The following RFT1 variants were observed in gnomAD, a reference collection of about 807,000 sequenced individuals.
The protein encoded by RFT1 is RFT1 glycolipid translocator homolog.
Under a neutral mutation model 62.2 loss-of-function variants are expected in RFT1, and 43 were observed. The observed-to-expected ratio is 0.69, with a 90% confidence interval of 0.54 to 0.89. The LOEUF is 0.89. RFT1 is among the 40% of genes least tolerant of loss of function. The probability of loss-of-function intolerance (pLI) is 0.00; values close to 1 mark genes in which losing one functional copy is unlikely to be tolerated. For synonymous variants in RFT1, 262 were observed against 264.6 expected (o/e 0.99, Z 0.10); for missense variants, 605 against 649.9 (o/e 0.93, Z 0.75).
intron 1 of RFT1, among the ~76,000 whole-genome samples, chr3:53,127,238 G>A (rs996138961): frequency 2.0e-5 from 3 of 152,024 alleles, no homozygotes; most frequent in African/African-American, 7.2e-5. Flanking sequence ...CTAACATGGT[G>A]AAATGCCGTC....
chr3:53,122,174 G>GA (rs1701987371), intron 4 of RFT1, among the ~76,000 whole-genome samples, 200 bp downstream of exon 4: 1 of 152,106 alleles, frequency 6.6e-6, no homozygotes, highest in African/African-American at 2.4e-5. Context: ...TATTTATGGT[G>GA]AAACAGAGGT....
chr3:53,122,542 C>A lies in RFT1; in HGVS notation c.288G>T (p.Trp96Cys), dbSNP rs1701999838. ...LWLTVPLGVF[W>C]SLFLGWIWLQ... Reference sequence around the variant, plus strand: ...ACCAGATCCAGCCCAGGAATAAGGACCAAAACACACCCAGGGGGACTCTAG... The same window carrying A: ...ACCAGATCCAGCCCAGGAATAAGGAACAAAACACACCCAGGGGGACTCTAG... The change falls in exon 4 of 13, where the codon TGG becomes TGT. Residue 96 changes from tryptophan (W) to cysteine (C), a missense_variant. Coordinates refer to ENST00000296292, the MANE Select transcript of RFT1 (RefSeq NM_052859.4). 10 of 1,611,460 alleles carry A rather than the reference C, an allele frequency of 6.2e-6. No individual in the cohort carries two copies. Among genetic ancestry groups the A allele is most frequent in the African/African-American group, 1.3e-5 (1 of 74,682 alleles).
chr3:53,094,977 C>A (rs1701101202), intron 11 of RFT1, among the ~76,000 whole-genome samples: 1 of 152,108 alleles, frequency 6.6e-6, no homozygotes, highest in Non-Finnish European at 1.5e-5. Context: ...ATTAAAATAT[C>A]ACTTTTTTGG....
the RFT1 span, among the ~76,000 whole-genome samples, chr3:53,083,357 A>T: frequency 1.8e-4 from 7 of 39,820 alleles, no homozygotes; most frequent in Non-Finnish European, 3.3e-4. Flanking sequence ...ACTAAAAATT[A>T]AAAAAAAAAA....
At chr3:53,077,662 G>A in the RFT1 span, 2 of 152,266 alleles carry the variant, frequency 1.3e-5, no homozygotes, top group African/African-American at 4.8e-5. Context: ...GACACCCAGA[G>A]GAATTGCTTC....
At chr3:53,087,695 T>C (rs1575475396), downstream of RFT1, among the ~76,000 whole-genome samples, 1 of 152,100 alleles carries the variant, frequency 6.6e-6, no homozygotes, top group African/African-American at 2.4e-5. Flanking sequence ...AGTTTTTAAA[T>C]TTTTTTGTAG....
chr3:53,081,088 G>C, the RFT1 span, among the ~76,000 whole-genome samples: 1 of 152,234 alleles, frequency 6.6e-6, no homozygotes, highest in East Asian at 1.9e-4. Flanking sequence ...TGGGGCATGG[G>C]GAGAGGTGTG....
rs551900330 is a variant in RFT1, at chr3:53,118,564, T to C, written c.696+1320A>G. 5.9e-5 allele frequency among the ~76,000 whole-genome samples: 9 copies of C among 152,254 alleles called. 1 individual carries two copies. Among genetic ancestry groups the C allele is most frequent in the Admixed American group, 2.0e-4 (3 of 15,296 alleles). On this transcript the variant is annotated intron_variant, in intron 6 of 12. Coordinates refer to ENST00000296292, the MANE Select transcript of RFT1 (RefSeq NM_052859.4). ...TTCTGAGACTTAAGTCTCACATATTTTACTACTTTTTCAAGTATCACAAGA... is the reference window on the plus strand; with the variant it reads ...TTCTGAGACTTAAGTCTCACATATTCTACTACTTTTTCAAGTATCACAAGA...
intron 6 of RFT1, among the ~76,000 whole-genome samples, chr3:53,113,707 TC>T (rs1701715435): frequency 6.6e-6 from 1 of 152,240 alleles, no homozygotes; most frequent in South Asian, 2.1e-4. Context: ...ATATTTTTTT[TC>T]ATATTAAGAC....
At chr3:53,118,511 G>A (rs1424328147) in intron 6 of RFT1, among the ~76,000 whole-genome samples, 1 of 152,130 alleles carries the variant, frequency 6.6e-6, no homozygotes, top group Non-Finnish European at 1.5e-5. Flanking sequence ...AGTTTTTCTC[G>A]AAAAGTTGTA....
intron 3 of RFT1, 52 bp from the exon 4 acceptor site, chr3:53,122,615 T>C (rs771883585): frequency 5.9e-6 from 7 of 1,179,596 alleles, no homozygotes; most frequent in South Asian, 1.9e-5. Flanking sequence ...AATATAAATA[T>C]ATATTAAAAT....
At chr3:53,095,636 G>A (rs1455992727) in intron 11 of RFT1, among the ~76,000 whole-genome samples, 2 of 151,940 alleles carry the variant, frequency 1.3e-5, no homozygotes, top group African/African-American at 4.8e-5. Context: ...AGGATCGATT[G>A]AGCCTAAGAA....
chr3:53,105,716 G>A lies in RFT1; in HGVS notation c.914C>T (p.Ala305Val). 6.2e-7 allele frequency: 1 copy of A among 1,613,626 alleles called. No homozygotes were observed. Among genetic ancestry groups the A allele is most frequent in the Non-Finnish European group, 8.5e-7 (1 of 1,179,802 alleles). ...ATCCTTTCCCCTCTCCAGCACCTTA[G>A]CAAAAAATATATAAAAACTTTCCTC... ...PIEESFYIFF[A>V]KVLERGKDAT... The change falls in exon 9 of 13, where the codon GCT becomes GTT. Residue 305 changes from alanine (A) to valine (V), a missense_variant. Transcript: ENST00000296292.
At chr3:53,115,557 C>T (rs1385117550) in intron 6 of RFT1, among the ~76,000 whole-genome samples, 1 of 152,182 alleles carries the variant, frequency 6.6e-6, no homozygotes, top group African/African-American at 2.4e-5. Flanking sequence ...TTTCCTTTCT[C>T]TCCCTTCCCC....
intron 7 of RFT1, among the ~76,000 whole-genome samples, chr3:53,107,491 G>A (rs2581775): frequency 1 from 151,806 of 152,030 alleles, 75,792 homozygotes; most frequent in Middle Eastern, 1. Flanking sequence ...TAATAATGAA[G>A]ATGATAGTCC....
intron 10 of RFT1, 94 bp from the exon 11 acceptor site, chr3:53,099,580 A>C: frequency 1.1e-6 from 1 of 921,226 alleles, no homozygotes; most frequent in South Asian, 1.4e-5. Context: ...CCAGAACCAG[A>C]CTATGAGGTC....
intron 6 of RFT1, among the ~76,000 whole-genome samples, chr3:53,118,948 G>A (rs1231586889): frequency 6.6e-6 from 1 of 152,140 alleles, no homozygotes; most frequent in Non-Finnish European, 1.5e-5. Context: ...CGGGCGTGGT[G>A]GCTCATAATC....
At chr3:53,087,452 CT>C (rs955423606), downstream of RFT1, among the ~76,000 whole-genome samples, 44 of 152,324 alleles carry the variant, frequency 2.9e-4, no homozygotes, top group Middle Eastern at 3.4e-3. Context: ...ACCTGAGCCC[CT>C]CCTCCTCCAG....
At chr3:53,116,273 T>C (rs964131363) in intron 6 of RFT1, among the ~76,000 whole-genome samples, 7 of 150,054 alleles carry the variant, frequency 4.7e-5, no homozygotes, top group Admixed American at 6.7e-5. Flanking sequence ...CGTTCATGCA[T>C]TCAGAATCAT....
Sources: gnomAD v4.1 joint callset for allele counts (sites outside exome capture counted in the v4.1 genomes callset) on GRCh38, gnomAD v4.1.1 for gene constraint, MANE v1.5 for transcripts, NCBI Gene and HGNC (gene_info 2026-07-23, HGNC 2026-07-21) for gene names.